The following CACHD1 variants were observed in gnomAD, a reference collection of about 807,000 sequenced individuals.
CACHD1 encodes cache domain containing 1.
A neutral mutation model predicts 138.7 loss-of-function variants in CACHD1; 71 were observed. That is an observed-to-expected ratio of 0.51 (90% confidence interval 0.42 to 0.62). The LOEUF is 0.62. Among genes scored for constraint, CACHD1 ranks in the 20% least tolerant of loss-of-function variants. The pLI, the probability that CACHD1 is intolerant of heterozygous loss-of-function variation, is 0.00. For missense variants in CACHD1, 1,389 were observed against 1,625.3 expected, an observed-to-expected ratio of 0.85 and a Z score of 2.50; for synonymous variants, 578 against 591.5, an observed-to-expected ratio of 0.98 and a Z score of 0.33.
chr1:64,615,867 T>C (rs1224049612), intron 4 of CACHD1, among the ~76,000 whole-genome samples: 1 of 152,158 alleles, frequency 6.6e-6, no homozygotes, highest in Non-Finnish European at 1.5e-5. Flanking sequence ...AAACAATCAG[T>C]CCGTTCCTTC....
intron 5 of CACHD1, among the ~76,000 whole-genome samples, chr1:64,630,447 C>T (rs1277971889): frequency 6.6e-6 from 1 of 152,018 alleles, no homozygotes; most frequent in Admixed American, 6.6e-5. Context: ...ATTACAGGCA[C>T]CCACCACCAT....
chr1:64,511,137 T>A (rs531735392), intron 1 of CACHD1, among the ~76,000 whole-genome samples: 7 of 152,322 alleles, frequency 4.6e-5, no homozygotes, highest in African/African-American at 1.7e-4. Flanking sequence ...GCAGATGGAG[T>A]ACGGTATGTA....
intron 2 of CACHD1, among the ~76,000 whole-genome samples, chr1:64,566,066 T>C (rs1407117623): frequency 1.3e-5 from 2 of 152,238 alleles, no homozygotes. Context: ...GAGGGCTTCC[T>C]TGACCACTCA....
chr1:64,682,437 T>C (rs1650223590), intron 26 of CACHD1, among the ~76,000 whole-genome samples: 1 of 152,056 alleles, frequency 6.6e-6, no homozygotes, highest in African/African-American at 2.4e-5. Context: ...GCTTTTTCAG[T>C]CATGTCCCCT....
At chr1:64,532,658 G>A (rs931683406) in intron 1 of CACHD1, among the ~76,000 whole-genome samples, 25 of 152,150 alleles carry the variant, frequency 1.6e-4, no homozygotes, top group Admixed American at 5.2e-4. Flanking sequence ...GGGTGTGCAT[G>A]ATAGGTAAAG....
At chr1:64,536,771 A>G (rs1192303794) in intron 1 of CACHD1, among the ~76,000 whole-genome samples, 1 of 152,216 alleles carries the variant, frequency 6.6e-6, no homozygotes, top group Non-Finnish European at 1.5e-5. Flanking sequence ...AGAAAACCAC[A>G]ACAGTTTTAA....
At chr1:64,522,054 C>T (rs2100378145) in intron 1 of CACHD1, among the ~76,000 whole-genome samples, 1 of 152,258 alleles carries the variant, frequency 6.6e-6, no homozygotes, top group Middle Eastern at 3.4e-3. Context: ...TGAAGATTGT[C>T]CCTGTGATTT....
At chr1:64,528,668 A>G (rs956056112) in intron 1 of CACHD1, among the ~76,000 whole-genome samples, 2 of 152,138 alleles carry the variant, frequency 1.3e-5, no homozygotes, top group African/African-American at 4.8e-5. Flanking sequence ...TTTTGTTTGA[A>G]AGAAATTTTC....
intron 1 of CACHD1, among the ~76,000 whole-genome samples, chr1:64,531,992 G>T (rs1478295217): frequency 2.6e-5 from 4 of 152,206 alleles, no homozygotes; most frequent in Non-Finnish European, 5.9e-5. Context: ...AAACTCACAG[G>T]ATAGGGATAA....
chr1:64,613,924 A>G (rs1439592523), intron 4 of CACHD1, among the ~76,000 whole-genome samples: 1 of 152,214 alleles, frequency 6.6e-6, no homozygotes, highest in African/African-American at 2.4e-5. Flanking sequence ...AACCACCTTC[A>G]GGACACACAT....
chr1:64,625,199 G>A (rs72673369), intron 4 of CACHD1, among the ~76,000 whole-genome samples: 9,392 of 152,292 alleles, frequency 0.062, 428 homozygotes, highest in Admixed American at 0.15. Flanking sequence ...TGTTCCTGCA[G>A]AAAGTCAAAT....
chr1:64,642,076 C>T lies in CACHD1; in HGVS notation c.1156+107C>T, dbSNP rs939403717. The T allele has an allele frequency of 8.3e-5, 85 of 1,018,020 alleles. No individual in the cohort carries two copies. The Middle Eastern group carries it at 1.5e-3, about 18-fold the overall frequency. 63.1% of individuals were successfully genotyped at this position (1,018,020 alleles called of 1,614,324 possible). On this transcript the variant is annotated intron_variant, in intron 8 of 26. Transcript: ENST00000651257. ...TAACAGTGTGCTTGGATGAAGGCTACGGGAAAAGGCAACCAGGCGGCTCTT... is the reference window on the plus strand; with the variant it reads ...TAACAGTGTGCTTGGATGAAGGCTATGGGAAAAGGCAACCAGGCGGCTCTT...
Position 64,652,328 on chromosome 1 carries a change from C to T in CACHD1, c.1540+18C>T, listed in dbSNP as rs754171073. ...CGACAAAGGTAATCTGCTAAATGTT[C>T]ATCCTAAGAATACTTTTTTAGAAAC... On this transcript the variant is annotated intron_variant, in intron 10 of 26. Transcript: ENST00000651257. The T allele has an allele frequency of 4.4e-6, 7 of 1,583,164 alleles. No individual in the cohort carries two copies. The South Asian group carries it at 5.8e-5, about 13-fold the overall frequency.
intron 2 of CACHD1, among the ~76,000 whole-genome samples, chr1:64,577,287 C>G (rs1329507470): frequency 6.6e-6 from 1 of 152,034 alleles, no homozygotes; most frequent in African/African-American, 2.4e-5. Context: ...TTCTAAACTT[C>G]TTCAAAGTAC....
intron 10 of CACHD1, among the ~76,000 whole-genome samples, chr1:64,653,226 C>T (rs12742304): frequency 0.077 from 11,621 of 151,710 alleles, 642 homozygotes; most frequent in Admixed American, 0.18. Context: ...CTGAGGCTAC[C>T]TAAGGGTGGA....
chr1:64,474,470 G>A (rs1646162812), intron 1 of CACHD1, among the ~76,000 whole-genome samples: 1 of 152,342 alleles, frequency 6.6e-6, no homozygotes, highest in South Asian at 2.1e-4. Context: ...TGGACTTAAA[G>A]GAAATAGTGC....
chr1:64,526,742 C>T (rs747313094), intron 1 of CACHD1, among the ~76,000 whole-genome samples: 10 of 152,230 alleles, frequency 6.6e-5, no homozygotes, highest in Non-Finnish European at 1.2e-4. Context: ...AGGCGTCTGG[C>T]GCCCTGCCGT....
chr1:64,658,609 T>C, intron 12 of CACHD1, 96 bp from the exon 13 acceptor site: 2 of 809,612 alleles, frequency 2.5e-6, no homozygotes, highest in East Asian at 2.8e-5. Context: ...CACGTGAAGA[T>C]AGAAGGTAGA....
intron 26 of CACHD1, among the ~76,000 whole-genome samples, chr1:64,682,438 C>G (rs1013705716): frequency 6.6e-6 from 1 of 152,086 alleles, no homozygotes; most frequent in African/African-American, 2.4e-5. Context: ...CTTTTTCAGT[C>G]ATGTCCCCTT....
Sources: gnomAD v4.1 joint callset for allele counts (sites outside exome capture counted in the v4.1 genomes callset) on GRCh38, gnomAD v4.1.1 for gene constraint, MANE v1.5 for transcripts, NCBI Gene and HGNC (gene_info 2026-07-23, HGNC 2026-07-21) for gene names.